The following NAV2 variants were observed in gnomAD, a reference collection of about 807,000 sequenced individuals.
NAV2 encodes the protein helicase, APC down-regulated 1.
A neutral mutation model predicts 223.2 loss-of-function variants in NAV2; 54 were observed. The ratio of observed to expected loss-of-function variants is 0.24; its 90% CI spans 0.19 to 0.30. The LOEUF (loss-of-function observed/expected upper bound fraction) is 0.30, where lower values mean the gene tolerates loss of function less well. NAV2 is among the 10% of genes least tolerant of loss of function. NAV2 has a pLI of 1.00. For synonymous variants in NAV2, 1,279 were observed against 1,239.3 expected, an observed-to-expected ratio of 1.03 and a Z score of -0.67; for missense variants, 2,806 against 3,147.5, an observed-to-expected ratio of 0.89 and a Z score of 2.60.
chr11:19,707,654 C>T lies in NAV2; in HGVS notation c.76-124830C>T, dbSNP rs567553163. Reference sequence around the variant, plus strand: ...GTAGAAAGAGTACAGTCTAATATAACAATGAATAGTACAGTAAATACATGA... The same window carrying T: ...GTAGAAAGAGTACAGTCTAATATAATAATGAATAGTACAGTAAATACATGA... On this transcript the variant is annotated intron_variant, in intron 1 of 37. Coordinates refer to the NAV2 transcript ENST00000360655. 2.0e-5 allele frequency among the ~76,000 whole-genome samples: 3 copies of T among 152,116 alleles called. No homozygotes were observed. The South Asian group carries it at 6.2e-4, about 32-fold the overall frequency.
At chr11:19,627,582 C>T (rs982493088) in intron 1 of NAV2, among the ~76,000 whole-genome samples, 1 of 152,048 alleles carries the variant, frequency 6.6e-6, no homozygotes, top group African/African-American at 2.4e-5. Context: ...TGCCACAGAC[C>T]TTTAAGTGAG....
intron 5 of NAV2, chr11:19,884,142 A>G (rs1180241012): frequency 5.2e-6 from 3 of 572,424 alleles, no homozygotes; most frequent in African/African-American, 3.8e-5. Flanking sequence ...ACTGAGACCT[A>G]GAAAGAAAGC....
chr11:20,077,344 A>G (rs962645789), intron 22 of NAV2, among the ~76,000 whole-genome samples: 5 of 152,006 alleles, frequency 3.3e-5, no homozygotes, highest in Admixed American at 1.3e-4. Flanking sequence ...CAAGGGCCCT[A>G]AGATGGGAAG....
intron 1 of NAV2, among the ~76,000 whole-genome samples, chr11:19,545,561 T>C (rs376712153): frequency 5.3e-5 from 8 of 152,174 alleles, no homozygotes; most frequent in African/African-American, 1.7e-4. Context: ...CAATGTAGCT[T>C]GGAGTGAGTA....
Position 19,713,191 on chromosome 11 carries a change from T to C in NAV2, c.-505T>C. 2.1e-6 allele frequency: 1 copy of C among 481,374 alleles called. No individual in the cohort carries two copies. The highest frequency in any genetic ancestry group is 2.7e-6 in the Non-Finnish European group (1 of 369,252). The allele number at this position is 481,374 out of a possible 1,614,324, so 29.8% of individuals were successfully genotyped here. A position where few individuals can be genotyped will look rare whatever the true frequency, so the allele number is the denominator to read the frequency against. ...CCTTGCGCCCTTCTTCTCTCCTTCC[T>C]TCGCTGCTGTCTCCTTTCCTTCCTT... is the stretch of plus-strand genomic sequence containing the variant. On this transcript the variant is annotated 5_prime_UTR_variant, in exon 1 of 38. Coordinates refer to ENST00000349880, the MANE Select transcript of NAV2 (RefSeq NM_145117.5). The surrounding 1 kb of genome is among the most constrained non-coding windows in gnomAD (Gnocchi z 7.2).
chr11:19,596,313 G>T (rs767222607), intron 1 of NAV2, among the ~76,000 whole-genome samples: 4 of 152,178 alleles, frequency 2.6e-5, no homozygotes, highest in Non-Finnish European at 5.9e-5. Context: ...TTAAATCCTA[G>T]ACTTGCCCTA....
Position 20,039,795 on chromosome 11 carries a change from A to G in NAV2, c.2907+3698A>G, listed in dbSNP as rs544882795. ...AAATGTTTAATAACATATGCGGAGG[A>G]AAAAGATAATTCCATGTCAGTTTAT... On this transcript the variant is annotated intron_variant, in intron 12 of 37. Coordinates refer to ENST00000349880, the MANE Select transcript of NAV2 (RefSeq NM_145117.5). 2.6e-5 allele frequency among the ~76,000 whole-genome samples: 4 copies of G among 152,354 alleles called. No homozygotes were observed. The South Asian group carries it at 8.3e-4, about 32-fold the overall frequency.
At chr11:19,529,366 C>G (rs1014466363) in intron 1 of NAV2, among the ~76,000 whole-genome samples, 1 of 152,168 alleles carries the variant, frequency 6.6e-6, no homozygotes, top group Admixed American at 6.5e-5. Context: ...AGATTTAGTG[C>G]TGGGGGTACA....
At chr11:19,845,123 G>C (rs1412386249) in intron 3 of NAV2, among the ~76,000 whole-genome samples, 1 of 152,158 alleles carries the variant, frequency 6.6e-6, no homozygotes, top group Non-Finnish European at 1.5e-5. Flanking sequence ...TCTTTCGATA[G>C]ACAGGCATGG....
intron 1 of NAV2, among the ~76,000 whole-genome samples, chr11:19,487,236 G>A (rs2042473131): frequency 1.3e-5 from 2 of 152,178 alleles, no homozygotes; most frequent in African/African-American, 4.8e-5. Context: ...TCACTTGCAA[G>A]GTCACCTTGA....
At chr11:19,371,410 C>G (rs1209264932) in intron 1 of NAV2, among the ~76,000 whole-genome samples, 2 of 152,122 alleles carry the variant, frequency 1.3e-5, no homozygotes, top group Non-Finnish European at 1.5e-5. Context: ...CAGGTTAACT[C>G]TAACCCAAAA....
At chr11:20,116,254 C>G (rs1332818613) in intron 37 of NAV2, among the ~76,000 whole-genome samples, 1 of 152,038 alleles carries the variant, frequency 6.6e-6, no homozygotes, top group African/African-American at 2.4e-5. Context: ...CTAATTAAGT[C>G]CCTAGATTAA....
chr11:19,578,266 AGCT>A (rs1941017334), intron 1 of NAV2, among the ~76,000 whole-genome samples: 1 of 152,234 alleles, frequency 6.6e-6, no homozygotes, highest in African/African-American at 2.4e-5. Flanking sequence ...GTGCTGCTGT[AGCT>A]GCTGTAATGG....
intron 9 of NAV2, 41 bp downstream of exon 9, chr11:19,946,550 C>G (rs1347444735): frequency 6.5e-7 from 1 of 1,532,172 alleles, no homozygotes; most frequent in Non-Finnish European, 8.9e-7. Context: ...TACCTGGTAT[C>G]CTAATTTTCT....
intron 5 of NAV2, among the ~76,000 whole-genome samples, chr11:19,884,863 C>T (rs551643078): frequency 6.6e-6 from 1 of 152,062 alleles, no homozygotes; most frequent in South Asian, 2.1e-4. Context: ...AGCATGAATC[C>T]ATATTGGGCA....
intron 1 of NAV2, among the ~76,000 whole-genome samples, chr11:19,404,179 A>G (rs1206975944): frequency 6.6e-6 from 1 of 152,212 alleles, no homozygotes; most frequent in Non-Finnish European, 1.5e-5. Context: ...ATCTTTGCCA[A>G]GGGAGTGGGC....
intron 11 of NAV2, among the ~76,000 whole-genome samples, chr11:20,019,908 A>G (rs1183436117): frequency 2.0e-5 from 3 of 151,910 alleles, no homozygotes; most frequent in Admixed American, 6.6e-5. Context: ...GGGAACAAAC[A>G]TCTTGCCTGG....
At chr11:19,691,709 A>G (rs905055028) in intron 1 of NAV2, among the ~76,000 whole-genome samples, 1 of 152,026 alleles carries the variant, frequency 6.6e-6, no homozygotes, top group African/African-American at 2.4e-5. Flanking sequence ...GGTTTTTCCC[A>G]CTGTGGCATG....
In NAV2 at chr11:19,995,879, G is replaced by A. The variant is rs539967111; in HGVS notation, c.2768+11632G>A. 7.9e-5 allele frequency among the ~76,000 whole-genome samples: 12 copies of A among 152,270 alleles called. No individual in the cohort carries two copies. The South Asian group carries it at 2.5e-3, about 32-fold the overall frequency. ...ATTTAATCAGACTTGGATGAACGTT[G>A]TTCCCTAAATCAGCACTAATAGTGG... is the stretch of plus-strand genomic sequence containing the variant. On this transcript the variant is annotated intron_variant, in intron 11 of 37. Coordinates refer to ENST00000349880, the MANE Select transcript of NAV2 (RefSeq NM_145117.5).
Sources: gnomAD v4.1 joint callset for allele counts (sites outside exome capture counted in the v4.1 genomes callset) on GRCh38, gnomAD v4.1.1 for gene constraint, Gnocchi (gnomAD v3.1) non-coding constraint, MANE v1.5 for transcripts, NCBI Gene and HGNC (gene_info 2026-07-23, HGNC 2026-07-21) for gene names.